STAM2: variants seen among roughly 807,000 people sequenced by gnomAD.
The protein encoded by STAM2 is signal transducing adapter molecule 2.
STAM2 carries 51 observed loss-of-function variants against 65.6 expected under a neutral mutation model. The ratio of observed to expected loss-of-function variants is 0.78; its 90% CI spans 0.62 to 0.98. The LOEUF (loss-of-function observed/expected upper bound fraction) is 0.98. STAM2 is among the 50% of genes least tolerant of loss of function. The probability of loss-of-function intolerance (pLI) is 0.00; values close to 1 mark genes in which losing one functional copy is unlikely to be tolerated. For missense variants in STAM2, 584 were observed against 617.8 expected (o/e 0.95, Z 0.58); for synonymous variants, 198 against 208.4 (o/e 0.95, Z 0.43).
intron 7 of STAM2, among the ~76,000 whole-genome samples, chr2:152,141,138 C>CAAAA (rs72256027): frequency 1.1e-4 from 12 of 109,542 alleles, no homozygotes; most frequent in Admixed American, 3.8e-4. Context: ...GACCCTGTCT[C>CAAAA]AAAAAAAAAA....
intron 1 of STAM2, among the ~76,000 whole-genome samples, chr2:152,175,319 G>A (rs1326384258): frequency 6.6e-6 from 1 of 152,180 alleles, no homozygotes; most frequent in Non-Finnish European, 1.5e-5. Flanking sequence ...AATCAGTCCA[G>A]TCTCCAGCGA....
intron 13 of STAM2, among the ~76,000 whole-genome samples, chr2:152,121,602 T>G (rs1304954460): frequency 1.3e-5 from 2 of 152,216 alleles, no homozygotes; most frequent in African/African-American, 2.4e-5. Flanking sequence ...GAAAACAGCA[T>G]AGTCTGTATA....
chr2:152,143,701 G>A (rs989763756), intron 7 of STAM2, 126 bp downstream of exon 7: 1 of 638,092 alleles, frequency 1.6e-6, no homozygotes, highest in Middle Eastern at 4.5e-4. Context: ...TTTTATTTTA[G>A]AAAAAACAAG....
chr2:152,173,562 A>G (rs1382935277), intron 1 of STAM2, among the ~76,000 whole-genome samples: 1 of 151,500 alleles, frequency 6.6e-6, no homozygotes, highest in Non-Finnish European at 1.5e-5. Flanking sequence ...ATGCCTGGCT[A>G]ATTTTTTGTA....
At chr2:152,171,476 T>C (rs1169693961) in intron 1 of STAM2, among the ~76,000 whole-genome samples, 1 of 152,234 alleles carries the variant, frequency 6.6e-6, no homozygotes, top group Non-Finnish European at 1.5e-5. Context: ...GTTAAGTAAA[T>C]GTTATAAATT....
chr2:152,148,395 T>G (rs1689376927), intron 2 of STAM2, 95 bp from the exon 3 acceptor site: 2 of 1,016,898 alleles, frequency 2.0e-6, no homozygotes, highest in Admixed American at 5.1e-5. Flanking sequence ...TAATTTTATA[T>G]TTAATGGCTC....
At chr2:152,120,824 G>GA in intron 13 of STAM2, 22 bp from the exon 14 acceptor site, 1 of 1,582,542 alleles carries the variant, frequency 6.3e-7, no homozygotes, top group Non-Finnish European at 8.7e-7. Flanking sequence ...ATTTTAAAAA[G>GA]AAAACCATAT....
At chr2:152,150,806 T>C (rs989641786) in intron 1 of STAM2, among the ~76,000 whole-genome samples, 2 of 152,146 alleles carry the variant, frequency 1.3e-5, no homozygotes, top group African/African-American at 4.8e-5. Flanking sequence ...ACTCTACCTC[T>C]TAAAAAAATT....
intron 6 of STAM2, 22 bp downstream of exon 6, chr2:152,144,866 T>C: frequency 1.2e-6 from 2 of 1,607,932 alleles, no homozygotes; most frequent in Non-Finnish European, 1.7e-6. Context: ...CAACACTAAA[T>C]TACATGTGCT....
At chr2:152,127,080 T>G (rs558214929) in intron 11 of STAM2, among the ~76,000 whole-genome samples, 3 of 152,322 alleles carry the variant, frequency 2.0e-5, no homozygotes, top group African/African-American at 7.2e-5. Flanking sequence ...AGGGGGTACT[T>G]GGACCCAAGA....
At chr2:152,127,670 C>T (rs1461296043) in intron 11 of STAM2, among the ~76,000 whole-genome samples, 2 of 151,252 alleles carry the variant, frequency 1.3e-5, no homozygotes, top group African/African-American at 4.9e-5. Flanking sequence ...TAAGACTAAT[C>T]TCTACAGCTC....
intron 7 of STAM2, among the ~76,000 whole-genome samples, chr2:152,138,463 C>G (rs1689193215): frequency 6.6e-6 from 1 of 152,040 alleles, no homozygotes; most frequent in African/African-American, 2.4e-5. Context: ...TTATGAACTC[C>G]TACCACTTGT....
rs1037486381 is a variant in STAM2 at position 152,122,107 on chromosome 2, T to C, written c.1350-1305A>G. On this transcript the variant is annotated intron_variant, in intron 13 of 13. Coordinates refer to ENST00000263904, the MANE Select transcript of STAM2 (RefSeq NM_005843.6). ...GTGTGTGTGTGTGTGTGTGTGTGTA[T>C]ACACATATATATACATACTATGCCC... Among the ~76,000 whole-genome samples, 11 of 150,818 alleles carry C rather than the reference T, an allele frequency of 7.3e-5. No individual in the cohort carries two copies. The East Asian group carries it at 7.8e-4, about 11-fold the overall frequency.
At chr2:152,164,450 C>A (rs1318726043) in intron 1 of STAM2, among the ~76,000 whole-genome samples, 1 of 151,918 alleles carries the variant, frequency 6.6e-6, no homozygotes. Context: ...TCAAACGACT[C>A]TCCTGCCTCA....
chr2:152,173,648 C>A (rs1323484468), intron 1 of STAM2, among the ~76,000 whole-genome samples: 1 of 152,106 alleles, frequency 6.6e-6, no homozygotes, highest in African/African-American at 2.4e-5. Context: ...TTACCCGCCT[C>A]GGCCTCCCAA....
intron 1 of STAM2, among the ~76,000 whole-genome samples, chr2:152,153,258 T>C (rs892690118): frequency 1.3e-5 from 2 of 152,206 alleles, no homozygotes; most frequent in African/African-American, 4.8e-5. Flanking sequence ...TTATTATATA[T>C]ACCTTGTAAT....
intron 1 of STAM2, among the ~76,000 whole-genome samples, chr2:152,171,332 G>A (rs1464821787): frequency 1.3e-5 from 2 of 151,932 alleles, no homozygotes; most frequent in African/African-American, 4.8e-5. Context: ...ATATTTCATA[G>A]TTTAAAAAGC....
chr2:152,161,494 T>TAA (rs10714838), intron 1 of STAM2, among the ~76,000 whole-genome samples: 37 of 103,544 alleles, frequency 3.6e-4, no homozygotes, highest in South Asian at 1.0e-3. Context: ...GAATGATCAA[T>TAA]AAAAAAAAAA....
intron 13 of STAM2, among the ~76,000 whole-genome samples, chr2:152,121,475 C>T (rs1688852002): frequency 6.6e-6 from 1 of 152,174 alleles, no homozygotes; most frequent in African/African-American, 2.4e-5. Context: ...GCTCAAGATG[C>T]CACTTTCAGC....
Sources: allele counts gnomAD v4.1 joint callset (sites outside exome capture counted in the v4.1 genomes callset), GRCh38; gene constraint gnomAD v4.1.1; transcripts MANE v1.5; gene names NCBI Gene and HGNC (gene_info 2026-07-23, HGNC 2026-07-21).